The following CREB3L2 variants were observed in gnomAD, a reference collection of about 807,000 sequenced individuals.
CREB3L2 encodes cyclic AMP-responsive element-binding protein 3-like protein 2.
Under a neutral mutation model 57.2 loss-of-function variants are expected in CREB3L2, and 23 were observed. That is an observed-to-expected ratio of 0.40 (90% CI 0.29 to 0.57). The LOEUF (loss-of-function observed/expected upper bound fraction) is 0.57. Among genes scored for constraint, CREB3L2 ranks in the 20% least tolerant of loss-of-function variants. The probability of loss-of-function intolerance (pLI) is 0.42; values close to 1 mark genes in which losing one functional copy is unlikely to be tolerated. For missense variants in CREB3L2, 628 were observed against 634.7 expected, an observed-to-expected ratio of 0.99 and a Z score of 0.11; for synonymous variants, 268 against 265.1, an observed-to-expected ratio of 1.01 and a Z score of -0.11.
chr7:137,988,310 C>T (rs912003877), intron 1 of CREB3L2, among the ~76,000 whole-genome samples: 1 of 152,254 alleles, frequency 6.6e-6, no homozygotes, highest in African/African-American at 2.4e-5. Context: ...GGCCAGAGTG[C>T]CTTTGCGGGT....
At chr7:137,925,561 C>T (rs1800434435) in intron 2 of CREB3L2, among the ~76,000 whole-genome samples, 1 of 152,204 alleles carries the variant, frequency 6.6e-6, no homozygotes, top group African/African-American at 2.4e-5. Flanking sequence ...TCTGCTCTAA[C>T]AGAGCACTTG....
chr7:137,989,176 T>C (rs1563275063), intron 1 of CREB3L2, among the ~76,000 whole-genome samples: 1 of 152,164 alleles, frequency 6.6e-6, no homozygotes, highest in African/African-American at 2.4e-5. Context: ...CCTGGCCTTC[T>C]GCAGTTCGTG....
intron 3 of CREB3L2, among the ~76,000 whole-genome samples, chr7:137,913,522 GAAAAAAGAAA>G (rs1800061312): frequency 7.7e-6 from 1 of 129,706 alleles, no homozygotes; most frequent in South Asian, 2.5e-4. Context: ...AAAAAAAAAA[GAAAAAAGAAA>G]AAAAAAGAAA....
chr7:137,949,331 C>G (rs776733328), intron 1 of CREB3L2, among the ~76,000 whole-genome samples: 4 of 152,194 alleles, frequency 2.6e-5, no homozygotes, highest in Non-Finnish European at 5.9e-5. Context: ...ATGTCAGAAA[C>G]TGTGTCGTTG....
rs142153869 is a variant in CREB3L2, at chr7:137,893,694, T to C, written c.1043+7660A>G. On this transcript the variant is annotated intron_variant, in intron 8 of 11. Coordinates refer to ENST00000330387, the MANE Select transcript of CREB3L2 (RefSeq NM_194071.4). ...ACCTTTAATAGGAATCATATAGAGA[T>C]TGTCAAGAACAAGAAAAGTAGAGTT... 2.1e-3 allele frequency among the ~76,000 whole-genome samples: 322 copies of C among 152,060 alleles called. 4 individuals carry two copies. The highest frequency in any genetic ancestry group is 0.016 in the Admixed American group (250 of 15,288).
chr7:137,926,025 A>T (rs1800446760), intron 2 of CREB3L2, among the ~76,000 whole-genome samples: 1 of 152,240 alleles, frequency 6.6e-6, no homozygotes, highest in South Asian at 2.1e-4. Flanking sequence ...TTGGCCTCAC[A>T]ATTAAAGGGC....
chr7:137,922,415 T>TATATATATATATATATATATACAC (rs1491237233), intron 2 of CREB3L2, among the ~76,000 whole-genome samples: 2 of 23,158 alleles, frequency 8.6e-5, no homozygotes, highest in Non-Finnish European at 1.7e-4. Context: ...TATATATATA[T>TATATATATATATATATATATACAC]GTATATATAT....
At chr7:137,953,042 C>G (rs1440063991) in intron 1 of CREB3L2, among the ~76,000 whole-genome samples, 6 of 152,224 alleles carry the variant, frequency 3.9e-5, no homozygotes, top group Admixed American at 3.9e-4. Flanking sequence ...GTCTCGAACT[C>G]CTGACCTCAA....
At chr7:137,895,650 A>AAAAAAAAAAAAAAAAAAAAAG (rs1295924394) in intron 8 of CREB3L2, among the ~76,000 whole-genome samples, 2 of 150,200 alleles carry the variant, frequency 1.3e-5, no homozygotes, top group African/African-American at 5.0e-5. Context: ...TACAAAAAAA[A>AAAAAAAAAAAAAAAAAAAAAG]AAAGAAAGAA....
At chr7:137,884,813 C>A in intron 10 of CREB3L2, 182 bp downstream of exon 10, 1 of 727,502 alleles carries the variant, frequency 1.4e-6, no homozygotes, top group Non-Finnish European at 2.4e-6. Flanking sequence ...CCCAGTGATG[C>A]CGCAGTCCAG....
chr7:138,000,538 A>G (rs994463639), intron 1 of CREB3L2, among the ~76,000 whole-genome samples: 4 of 152,124 alleles, frequency 2.6e-5, no homozygotes, highest in African/African-American at 9.7e-5. Context: ...GTCTCAAAAT[A>G]ACGTCAGCCA....
chr7:137,933,618 T>C (rs558315435), intron 1 of CREB3L2: 1 of 152,358 alleles, frequency 6.6e-6, no homozygotes, highest in East Asian at 1.9e-4. Context: ...TCAAGTTTAT[T>C]ATCATAACCT....
chr7:137,964,336 A>AAAAC (rs576762874), intron 1 of CREB3L2, among the ~76,000 whole-genome samples: 61 of 152,216 alleles, frequency 4.0e-4, no homozygotes, highest in East Asian at 3.3e-3. Flanking sequence ...AAAACAAAGC[A>AAAAC]AAACAAACAA....
chr7:137,895,608 A>G (rs918163531), intron 8 of CREB3L2, among the ~76,000 whole-genome samples: 3 of 124,164 alleles, frequency 2.4e-5, no homozygotes, highest in Admixed American at 1.1e-4. Context: ...CTAGAAATCA[A>G]TAATAGGCTA....
At chr7:137,902,888 C>A (rs536435160) in intron 7 of CREB3L2, among the ~76,000 whole-genome samples, 1 of 152,250 alleles carries the variant, frequency 6.6e-6, no homozygotes, top group African/African-American at 2.4e-5. Context: ...ACAATCACAG[C>A]TCACTGCAGC....
chr7:137,996,657 AG>A (rs1801991944), intron 1 of CREB3L2, among the ~76,000 whole-genome samples: 1 of 152,242 alleles, frequency 6.6e-6, no homozygotes, highest in Admixed American at 6.5e-5. Flanking sequence ...ACTCCTTTTC[AG>A]CACTCAGTAA....
intron 2 of CREB3L2, among the ~76,000 whole-genome samples, chr7:137,921,287 A>G (rs1800269313): frequency 6.6e-6 from 1 of 152,214 alleles, no homozygotes; most frequent in East Asian, 1.9e-4. Flanking sequence ...CAACCCCCAT[A>G]TCAGCTGATT....
chr7:137,898,020 T>C (rs1799663455), intron 8 of CREB3L2, among the ~76,000 whole-genome samples: 1 of 152,110 alleles, frequency 6.6e-6, no homozygotes, highest in Non-Finnish European at 1.5e-5. Flanking sequence ...TAAACCATCA[T>C]GAGGGGTTAA....
At chr7:137,883,160 T>C (rs1261651279) in intron 10 of CREB3L2, among the ~76,000 whole-genome samples, 1 of 152,250 alleles carries the variant, frequency 6.6e-6, no homozygotes, top group African/African-American at 2.4e-5. Context: ...TGTAGCAATT[T>C]TCCATGACAT....
Sources: allele counts gnomAD v4.1 joint callset (sites outside exome capture counted in the v4.1 genomes callset), GRCh38; gene constraint gnomAD v4.1.1; transcripts MANE v1.5; gene names NCBI Gene and HGNC (gene_info 2026-07-23, HGNC 2026-07-21).